Variants in DMRT1 observed in about 807,000 individuals in gnomAD.
DMRT1 encodes the protein doublesex and mab-3 related transcription factor 1, also known as doublesex- and mab-3-related transcription factor 1.
DMRT1 carries 7 observed loss-of-function variants against 32.3 expected under a neutral mutation model. That is an observed-to-expected ratio of 0.22 (90% CI 0.12 to 0.41). The LOEUF is 0.41. Among genes scored for constraint, DMRT1 ranks in the 10% least tolerant of loss-of-function variants. DMRT1 has a pLI of 1.00. For synonymous variants in DMRT1, 278 were observed against 206.1 expected (o/e 1.35, Z -2.99); for missense variants, 625 against 500.5 (o/e 1.25, Z -2.37).
chr9:914,552 C>A (rs1244191593), intron 3 of DMRT1, among the ~76,000 whole-genome samples: 2 of 109,788 alleles, frequency 1.8e-5, no homozygotes, highest in African/African-American at 7.1e-5. Context: ...CCAGCCTGGG[C>A]GACAGAGTGG....
At chr9:894,912 C>G (rs1014786024) in intron 3 of DMRT1, 3 of 152,238 alleles carry the variant, frequency 2.0e-5, no homozygotes, top group African/African-American at 7.3e-5. Flanking sequence ...CTCCTGGGTT[C>G]AAGTGCTTCT....
chr9:863,828 TTAAAGGCCATTTGTA>T (rs796575372), intron 2 of DMRT1, among the ~76,000 whole-genome samples: 2 of 152,362 alleles, frequency 1.3e-5, no homozygotes, highest in African/African-American at 4.8e-5. Flanking sequence ...TTCCGTATGT[TTAAAGGCCATTTGTA>T]TTTTATTCTC....
chr9:842,406 TG>T, intron 1 of DMRT1: 1 of 642,610 alleles, frequency 1.6e-6, no homozygotes, highest in East Asian at 2.8e-5. Context: ...GGCTAATTTT[TG>T]TATTTTTAGT....
chr9:927,835 G>T (rs996981568), intron 4 of DMRT1, among the ~76,000 whole-genome samples: 3 of 152,208 alleles, frequency 2.0e-5, no homozygotes, highest in Admixed American at 6.5e-5. Context: ...TTTGCTATGT[G>T]TGAAGTGACC....
intron 2 of DMRT1, among the ~76,000 whole-genome samples, chr9:891,497 A>T (rs887071786): frequency 2.1e-5 from 3 of 145,208 alleles, no homozygotes; most frequent in African/African-American, 7.7e-5. Context: ...AGATCTTATG[A>T]CTCCCTGGAG....
At chr9:860,849 G>T (rs1337836005) in intron 2 of DMRT1, among the ~76,000 whole-genome samples, 1 of 152,134 alleles carries the variant, frequency 6.6e-6, no homozygotes, top group Non-Finnish European at 1.5e-5. Flanking sequence ...GGAGCAGCAA[G>T]GTGAGACTGT....
chr9:917,678 C>G (rs1471751900), intron 4 of DMRT1, among the ~76,000 whole-genome samples: 1 of 152,144 alleles, frequency 6.6e-6, no homozygotes, highest in East Asian at 1.9e-4. Context: ...TTACTCTGTG[C>G]TAAATAAAAG....
chr9:870,359 G>A (rs10977235), intron 2 of DMRT1, among the ~76,000 whole-genome samples: 53,126 of 151,784 alleles, frequency 0.35, 9,588 homozygotes, highest in Non-Finnish European at 0.4. Context: ...AGATCATGCC[G>A]CTGCACTCCA....
intron 3 of DMRT1, among the ~76,000 whole-genome samples, chr9:896,580 CG>C (rs1459867047): frequency 6.6e-6 from 1 of 151,926 alleles, no homozygotes; most frequent in African/African-American, 2.4e-5. Context: ...TTTGGGAGGC[CG>C]AGGCGGGTGG....
intron 1 of DMRT1, among the ~76,000 whole-genome samples, chr9:846,532 G>C (rs1305456201): frequency 1.3e-5 from 2 of 151,932 alleles, no homozygotes; most frequent in Admixed American, 6.6e-5. Context: ...GTTTTTTCCT[G>C]ATCCTCCCTA....
intron 3 of DMRT1, chr9:895,086 A>G (rs1817303329): frequency 6.6e-6 from 1 of 152,284 alleles, no homozygotes; most frequent in Non-Finnish European, 1.5e-5. Flanking sequence ...AAGTGCTGGG[A>G]TAACAGGCAT....
chr9:924,821 G>T (rs1818468775), intron 4 of DMRT1, among the ~76,000 whole-genome samples: 1 of 152,206 alleles, frequency 6.6e-6, no homozygotes, highest in Admixed American at 6.5e-5. Context: ...GTCCCTTTAT[G>T]CCTAAAGAAT....
chr9:855,431 G>A lies in DMRT1; in HGVS notation c.538+8288G>A, dbSNP rs536119689. ...CAAACACTGCATTTTATCCATTTCT[G>A]TATAGTACAGTACCTGGCTTTATAG... is the stretch of plus-strand genomic sequence containing the variant. On this transcript the variant is annotated intron_variant, in intron 2 of 4. Transcript: ENST00000382276. 1.6e-4 allele frequency among the ~76,000 whole-genome samples: 24 copies of A among 152,266 alleles called. No individual in the cohort carries two copies. The Middle Eastern group carries it at 0.01, about 65-fold the overall frequency.
intron 3 of DMRT1, among the ~76,000 whole-genome samples, chr9:897,644 A>G (rs963846701): frequency 4.0e-5 from 6 of 151,658 alleles, no homozygotes; most frequent in African/African-American, 1.5e-4. Context: ...TCTTCTCCCT[A>G]TTATGTCGTT....
chr9:853,432 T>C (rs1815247540), intron 2 of DMRT1, among the ~76,000 whole-genome samples: 1 of 152,036 alleles, frequency 6.6e-6, no homozygotes, highest in Non-Finnish European at 1.5e-5. Flanking sequence ...TTAGAGTTTT[T>C]TGCAAATTTT....
chr9:853,389 G>T (rs7033438), intron 2 of DMRT1, among the ~76,000 whole-genome samples: 1 of 151,872 alleles, frequency 6.6e-6, no homozygotes, highest in African/African-American at 2.4e-5. Context: ...TCTCTGTGGG[G>T]TTATTTAAAT....
intron 4 of DMRT1, among the ~76,000 whole-genome samples, chr9:957,124 C>T (rs550966105): frequency 3.9e-4 from 59 of 152,256 alleles, no homozygotes; most frequent in African/African-American, 1.4e-3. Flanking sequence ...CAGTGTTGAT[C>T]GCTGCCATCT....
chr9:866,008 A>G (rs548095240), intron 2 of DMRT1, among the ~76,000 whole-genome samples: 47 of 152,034 alleles, frequency 3.1e-4, no homozygotes, highest in African/African-American at 1.0e-3. Context: ...TACTAAAAAT[A>G]CAAAAATTAG....
intron 2 of DMRT1, among the ~76,000 whole-genome samples, chr9:892,602 G>C (rs947463469): frequency 6.6e-6 from 1 of 152,078 alleles, no homozygotes; most frequent in Admixed American, 6.5e-5. Flanking sequence ...ACTCACTTTG[G>C]TGGTTCCCTA....
Sources: gnomAD v4.1 joint callset for allele counts (sites outside exome capture counted in the v4.1 genomes callset) on GRCh38, gnomAD v4.1.1 for gene constraint, MANE v1.5 for transcripts, NCBI Gene and HGNC (gene_info 2026-07-23, HGNC 2026-07-21) for gene names.